CCDC148: variants seen among roughly 807,000 people sequenced by gnomAD.
CCDC148 encodes the protein coiled-coil domain-containing protein 148.
A neutral mutation model predicts 85.7 loss-of-function variants in CCDC148; 89 were observed. The ratio of observed to expected loss-of-function variants is 1.04; its 90% confidence interval spans 0.87 to 1.24. The LOEUF is 1.24. Ranked by LOEUF, CCDC148 falls within the 50% of genes most tolerant of loss-of-function variation. The pLI, the probability that CCDC148 is intolerant of heterozygous loss-of-function variation, is 0.00. For missense variants in CCDC148, 692 were observed against 671.7 expected (o/e 1.03, Z -0.33); for synonymous variants, 230 against 213.9 (o/e 1.08, Z -0.66).
At chr2:158,444,115 AT>A (rs1304069230) in intron 1 of CCDC148, among the ~76,000 whole-genome samples, 4 of 152,120 alleles carry the variant, frequency 2.6e-5, no homozygotes, top group South Asian at 2.1e-4. Flanking sequence ...ATAACTGCAC[AT>A]TTTTTTCTTC....
At chr2:158,179,896 C>T (rs1684805042) in intron 11 of CCDC148, among the ~76,000 whole-genome samples, 1 of 152,134 alleles carries the variant, frequency 6.6e-6, no homozygotes, top group Non-Finnish European at 1.5e-5. Flanking sequence ...TTCCAACCCC[C>T]TTAAAATCAT....
intron 3 of CCDC148, among the ~76,000 whole-genome samples, chr2:158,343,042 G>A (rs1682808580): frequency 6.6e-6 from 1 of 152,050 alleles, no homozygotes; most frequent in African/African-American, 2.4e-5. Flanking sequence ...GGGGTCTCAC[G>A]ATGTTGCCCA....
chr2:158,222,223 T>A (rs537420289), intron 10 of CCDC148, among the ~76,000 whole-genome samples: 2 of 152,306 alleles, frequency 1.3e-5, no homozygotes, highest in African/African-American at 4.8e-5. Context: ...AGCACTGGCC[T>A]TGGAGAAAGT....
chr2:158,409,858 C>A (rs1044000533), intron 1 of CCDC148, among the ~76,000 whole-genome samples: 1 of 152,032 alleles, frequency 6.6e-6, no homozygotes, highest in Admixed American at 6.6e-5. Flanking sequence ...GGGAGATAAT[C>A]GAATCATGGG....
chr2:158,331,763 A>G lies in CCDC148; in HGVS notation c.764+6963T>C, dbSNP rs983572168. On this transcript the variant is annotated intron_variant, in intron 7 of 13. Transcript: ENST00000283233. ...TTGATCCCTTTACCATTATGTAATC[A>G]CCTTCTTTGTCTCTTTTGATCTTTG... 7.2e-5 allele frequency among the ~76,000 whole-genome samples: 11 copies of G among 152,062 alleles called. No homozygotes were observed. In the South Asian group the frequency reaches 8.3e-4, roughly 11 times the overall value.
intron 1 of CCDC148, among the ~76,000 whole-genome samples, chr2:158,430,878 A>G (rs1381437283): frequency 2.6e-5 from 4 of 151,314 alleles, no homozygotes; most frequent in Non-Finnish European, 4.4e-5. Context: ...AAACATAAAC[A>G]TAATAAAAAA....
intron 1 of CCDC148, among the ~76,000 whole-genome samples, chr2:158,417,434 G>T (rs540324793): frequency 2.6e-5 from 4 of 152,328 alleles, no homozygotes; most frequent in African/African-American, 9.6e-5. Context: ...TTGCCCTAGG[G>T]CTTCTTGGAG....
chr2:158,244,581 C>T (rs1688492238), intron 10 of CCDC148, among the ~76,000 whole-genome samples: 1 of 152,174 alleles, frequency 6.6e-6, no homozygotes, highest in South Asian at 2.1e-4. Context: ...TGCCATGTGA[C>T]TCCCTCAGTC....
intron 1 of CCDC148, chr2:158,366,193 T>C: frequency 1.5e-6 from 1 of 656,156 alleles, no homozygotes; most frequent in Non-Finnish European, 2.4e-6. Flanking sequence ...CATAATGCTT[T>C]TAATTTTATT....
intron 1 of CCDC148, among the ~76,000 whole-genome samples, chr2:158,381,277 G>A (rs1684858517): frequency 6.6e-6 from 1 of 152,002 alleles, no homozygotes; most frequent in Admixed American, 6.6e-5. Context: ...TGAGAAAAAG[G>A]CAGACGACCC....
intron 9 of CCDC148, among the ~76,000 whole-genome samples, chr2:158,297,201 T>C (rs990825410): frequency 1.3e-5 from 2 of 152,196 alleles, no homozygotes; most frequent in Non-Finnish European, 2.9e-5. Flanking sequence ...CCTCCAATTA[T>C]GTTGTTTTTT....
At chr2:158,331,346 G>C (rs896566517) in intron 7 of CCDC148, among the ~76,000 whole-genome samples, 1 of 152,140 alleles carries the variant, frequency 6.6e-6, no homozygotes, top group Admixed American at 6.6e-5. Flanking sequence ...CTGAGTTCTA[G>C]TTTGATTGCA....
intron 11 of CCDC148, among the ~76,000 whole-genome samples, chr2:158,202,231 T>C (rs2105283538): frequency 6.6e-6 from 1 of 152,320 alleles, no homozygotes; most frequent in Non-Finnish European, 1.5e-5. Context: ...TTTCCCACTT[T>C]GGGCAAAATT....
intron 9 of CCDC148, among the ~76,000 whole-genome samples, chr2:158,279,189 C>G (rs1041098520): frequency 2.6e-5 from 4 of 152,152 alleles, no homozygotes; most frequent in African/African-American, 4.8e-5. Context: ...ATAAACAGAG[C>G]AGAAAAACTG....
chr2:158,448,144 T>C (rs910257152), intron 1 of CCDC148, among the ~76,000 whole-genome samples: 7 of 152,148 alleles, frequency 4.6e-5, no homozygotes, highest in African/African-American at 1.7e-4. Flanking sequence ...CCTTTCACTA[T>C]TGCTCTGCCT....
chr2:158,450,808 T>G (rs184259719), intron 1 of CCDC148, among the ~76,000 whole-genome samples: 6 of 152,294 alleles, frequency 3.9e-5, no homozygotes, highest in Admixed American at 2.6e-4. Flanking sequence ...ATTTGGTGTT[T>G]GCTGAGTGTC....
intron 7 of CCDC148, among the ~76,000 whole-genome samples, chr2:158,336,527 C>T (rs1251852084): frequency 1.3e-5 from 2 of 152,166 alleles, no homozygotes; most frequent in East Asian, 3.8e-4. Flanking sequence ...GTCTGTTGAA[C>T]CCCCTACCAG....
intron 10 of CCDC148, among the ~76,000 whole-genome samples, chr2:158,238,014 G>C (rs1338902842): frequency 2.0e-5 from 3 of 152,094 alleles, no homozygotes; most frequent in Non-Finnish European, 2.9e-5. Flanking sequence ...ACGGAGGTAA[G>C]CAATGATGTT....
At position 158,456,571 on chromosome 2, in the gene CCDC148, C is replaced by T. The variant is rs1688760311; in HGVS notation, c.-132G>A. ...TCCTACCTTTGACGCCAGGGACAAA[C>T]CCTACCAGGCACAGTTGGGATTGGC... On this transcript the variant is annotated 5_prime_UTR_variant, in exon 1 of 14. Coordinates refer to ENST00000283233, the MANE Select transcript of CCDC148 (RefSeq NM_138803.4). The T allele has an allele frequency of 8.8e-7, 1 of 1,132,916 alleles. No homozygotes were observed. Among genetic ancestry groups the T allele is most frequent in the Non-Finnish European group, 1.2e-6 (1 of 806,702 alleles). The allele number at this position is 1,132,916 out of a possible 1,614,324, so 70.2% of individuals were successfully genotyped here.
Sources: gnomAD v4.1 joint callset for allele counts (sites outside exome capture counted in the v4.1 genomes callset) on GRCh38, gnomAD v4.1.1 for gene constraint, MANE v1.5 for transcripts, NCBI Gene and HGNC (gene_info 2026-07-23, HGNC 2026-07-21) for gene names.